Variants in NSMCE1 observed in about 807,000 individuals in gnomAD.
The protein encoded by NSMCE1 is non-structural maintenance of chromosomes element 1 homolog.
In NSMCE1, 18 loss-of-function variants were observed where a neutral mutation model predicts 29.6. The ratio of observed to expected loss-of-function variants is 0.61; its 90% confidence interval spans 0.42 to 0.90. The LOEUF (loss-of-function observed/expected upper bound fraction) is 0.90, where lower values mean the gene tolerates loss of function less well. Among genes scored for constraint, NSMCE1 ranks in the 40% least tolerant of loss-of-function variants. The pLI is 0.00. For missense variants in NSMCE1, 314 were observed against 343.6 expected (o/e 0.91, Z 0.68); for synonymous variants, 124 against 133.4 (o/e 0.93, Z 0.49).
At chr16:27,253,191 AAG>A (rs1489772998) in intron 2 of NSMCE1, among the ~76,000 whole-genome samples, 1 of 152,238 alleles carries the variant, frequency 6.6e-6, no homozygotes, top group Non-Finnish European at 1.5e-5. Flanking sequence ...ATCAAATCCA[AAG>A]AGGGAGTTAT....
chr16:27,232,224 T>TGGGCACAAGCACCTGGG lies in NSMCE1; in HGVS notation c.483+760_483+776dup, dbSNP rs2083770139. 6.6e-6 allele frequency among the ~76,000 whole-genome samples: 1 copy of TGGGCACAAGCACCTGGG among 152,058 alleles called. No homozygotes were observed. The highest frequency in any genetic ancestry group is 1.5e-5 in the Non-Finnish European group (1 of 68,014). ...GGCGTGAGTGCGTCCTCAACACACA[T>TGGGCACAAGCACCTGGG]GGGCACAAGCACCTGGGAGGCACAG... On this transcript the variant is annotated intron_variant, in intron 5 of 7. Transcript: ENST00000361439. The surrounding 1 kb of genome is among the most constrained non-coding windows in gnomAD (Gnocchi z 4.5).
chr16:27,232,117 A>T lies in NSMCE1; in HGVS notation c.483+884T>A, dbSNP rs2083768743. ...CCCAACCCAGACGCGAGCCTTCCTG[A>T]AAAGGAAGCGGAGAATCGCTGCAGC... On this transcript the variant is annotated intron_variant, in intron 5 of 7. Coordinates refer to ENST00000361439, the MANE Select transcript of NSMCE1 (RefSeq NM_145080.4). The surrounding 1 kb of genome is among the most constrained non-coding windows in gnomAD (Gnocchi z 4.5). Among the ~76,000 whole-genome samples the T allele has an allele frequency of 6.6e-6, 1 of 152,126 alleles. No individual in the cohort carries two copies. Among genetic ancestry groups the T allele is most frequent in the South Asian group, 2.1e-4 (1 of 4,826 alleles).
intron 1 of NSMCE1, chr16:27,266,406 A>G (rs1567287215): frequency 1.3e-5 from 2 of 152,158 alleles, no homozygotes; most frequent in Admixed American, 6.5e-5. Flanking sequence ...GACTGTAGGG[A>G]GAATGGTGGG....
chr16:27,260,857 T>TAAAAAAAA (rs1219528347), intron 1 of NSMCE1, among the ~76,000 whole-genome samples: 1 of 54,238 alleles, frequency 1.8e-5, no homozygotes. Context: ...AGACCCTGTC[T>TAAAAAAAA]CAAAAAAAAA....
intron 2 of NSMCE1, among the ~76,000 whole-genome samples, chr16:27,239,995 C>T (rs542234848): frequency 6.6e-6 from 1 of 152,288 alleles, no homozygotes; most frequent in East Asian, 1.9e-4. Flanking sequence ...TTCATCATGA[C>T]AATAACAGTA....
intron 2 of NSMCE1, among the ~76,000 whole-genome samples, chr16:27,253,308 G>C (rs906313400): frequency 6.6e-6 from 1 of 152,192 alleles, no homozygotes; most frequent in African/African-American, 2.4e-5. Context: ...CCTTTAACTT[G>C]TAGGATTTGA....
At position 27,234,190 on chromosome 16, in the gene NSMCE1, C is replaced by T. The variant is rs1420644973; in HGVS notation, c.334G>A (p.Ala112Thr). ...GCAATGGGGATTACTCTACTTACAG[C>T]CTTTCTAAACAAATCCAGTTCATTC... Reference protein sequence around the residue: ...AENELDLFRKALELIIDSETG... With the variant: ...AENELDLFRKTLELIIDSETG... Residue 112 changes from alanine to threonine, a missense_variant and splice_region_variant, in exon 4 of 8, where the codon GCT (alanine) becomes ACT (threonine). By Grantham distance (58) the Ala-to-Thr change is moderately conservative. Coordinates refer to ENST00000361439, the MANE Select transcript of NSMCE1 (RefSeq NM_145080.4). The T allele has an allele frequency of 6.2e-7, 1 of 1,607,578 alleles. No homozygotes were observed. The highest frequency in any genetic ancestry group is 1.7e-5 in the Admixed American group (1 of 60,030).
At chr16:27,248,359 G>C (rs985681363) in intron 2 of NSMCE1, among the ~76,000 whole-genome samples, 12 of 149,536 alleles carry the variant, frequency 8.0e-5, no homozygotes, top group Admixed American at 8.0e-4. Context: ...CTTCATTTTA[G>C]CCATTTTAAT....
intron 6 of NSMCE1, 67 bp downstream of exon 6, chr16:27,226,653 G>A: frequency 9.8e-7 from 1 of 1,016,364 alleles, no homozygotes; most frequent in South Asian, 1.4e-5. Flanking sequence ...ATTCCGGGAA[G>A]TACCTGTACA....
intron 2 of NSMCE1, among the ~76,000 whole-genome samples, chr16:27,256,700 T>C (rs912635553): frequency 2.6e-5 from 4 of 152,130 alleles, no homozygotes; most frequent in Non-Finnish European, 5.9e-5. Context: ...ACTTAGAACT[T>C]AGCACCATGT....
chr16:27,247,991 C>T (rs1377076651), intron 2 of NSMCE1, among the ~76,000 whole-genome samples: 2 of 152,004 alleles, frequency 1.3e-5, no homozygotes, highest in African/African-American at 4.8e-5. Flanking sequence ...CTCACTTCTT[C>T]CACTCAGCAA....
At chr16:27,257,389 T>C (rs982788079) in intron 2 of NSMCE1, 46 bp downstream of exon 2, 2 of 1,548,902 alleles carry the variant, frequency 1.3e-6, no homozygotes, top group Non-Finnish European at 1.7e-6. Flanking sequence ...TGGTCCCTGA[T>C]CAACACAGCA....
chr16:27,234,095 T>C, intron 4 of NSMCE1, 93 bp downstream of exon 4: 1 of 837,942 alleles, frequency 1.2e-6, no homozygotes, highest in South Asian at 1.4e-5. Context: ...CCCCCAGTGA[T>C]CCTTGAACAC....
chr16:27,230,440 G>A (rs773050958), intron 5 of NSMCE1, among the ~76,000 whole-genome samples: 1 of 152,172 alleles, frequency 6.6e-6, no homozygotes, highest in Non-Finnish European at 1.5e-5. Context: ...CCGGTTCTCA[G>A]TGATTCCTCC....
Position 27,225,110 on chromosome 16 carries a change from G to A in NSMCE1, c.*47C>T, listed in dbSNP as rs1465378402. On this transcript the variant is annotated 3_prime_UTR_variant, in exon 8 of 8. Transcript: ENST00000361439. ...CGCCTTTCTTCCAAGAAGGGCTGTG[G>A]CGATCAGGCCACTCAAGGCAGCCAG... 1 of 1,087,044 alleles carries A rather than the reference G, an allele frequency of 9.2e-7. No homozygotes were observed. The highest frequency in any genetic ancestry group is 1.3e-5 in the South Asian group (1 of 75,918). The allele number at this position is 1,087,044 out of a possible 1,614,324, so 67.3% of individuals were successfully genotyped here.
At chr16:27,256,855 CA>C (rs572578440) in intron 2 of NSMCE1, among the ~76,000 whole-genome samples, 1 of 152,312 alleles carries the variant, frequency 6.6e-6, no homozygotes, top group South Asian at 2.1e-4. Context: ...TAAGCTCCCC[CA>C]TTTTTTTGTT....
At chr16:27,226,609 C>T in intron 6 of NSMCE1, 111 bp downstream of exon 6, 1 of 688,776 alleles carries the variant, frequency 1.5e-6, no homozygotes, top group Non-Finnish European at 2.5e-6. Flanking sequence ...GGAGGATGCG[C>T]CAGCAGTGCA....
At chr16:27,266,446 A>T (rs2084226008) in intron 1 of NSMCE1, 1 of 152,058 alleles carries the variant, frequency 6.6e-6, no homozygotes, top group Non-Finnish European at 1.5e-5. Flanking sequence ...ACCTACTTAA[A>T]TAATTTTATT....
chr16:27,238,273 A>G (rs1337752045), intron 2 of NSMCE1, among the ~76,000 whole-genome samples: 3 of 151,968 alleles, frequency 2.0e-5, no homozygotes, highest in Non-Finnish European at 4.4e-5. Context: ...CCAGCCTCAC[A>G]CATGTCCAGA....
Sources: gnomAD v4.1 joint callset for allele counts (sites outside exome capture counted in the v4.1 genomes callset) on GRCh38, gnomAD v4.1.1 for gene constraint, Gnocchi (gnomAD v3.1) non-coding constraint, MANE v1.5 for transcripts, NCBI Gene and HGNC (gene_info 2026-07-23, HGNC 2026-07-21) for gene names.